Variants in ATXN10 observed in about 807,000 individuals in gnomAD.
ATXN10 encodes the protein ataxin-10.
ATXN10 carries 28 observed loss-of-function variants against 52.9 expected under a neutral mutation model. The ratio of observed to expected loss-of-function variants is 0.53; its 90% CI spans 0.39 to 0.73. ATXN10 has a LOEUF of 0.73. Ranked by LOEUF, ATXN10 falls within the 30% of genes least tolerant of loss-of-function variation. The pLI, the probability that ATXN10 is intolerant of heterozygous loss-of-function variation, is 0.00. For missense variants in ATXN10, 565 were observed against 577.0 expected (o/e 0.98, Z 0.21); for synonymous variants, 226 against 221.5 (o/e 1.02, Z -0.18).
chr22:45,812,395 G>A (rs1001395998), intron 10 of ATXN10, among the ~76,000 whole-genome samples: 17 of 152,148 alleles, frequency 1.1e-4, no homozygotes, highest in African/African-American at 3.6e-4. Flanking sequence ...AATGGGAAAA[G>A]GAATGAACAA....
intron 10 of ATXN10, among the ~76,000 whole-genome samples, chr22:45,829,805 A>G (rs1487635804): frequency 6.6e-6 from 1 of 152,178 alleles, no homozygotes; most frequent in Non-Finnish European, 1.5e-5. Context: ...GCTCAGAGCA[A>G]TTACAGATTT....
rs2239398 is a variant in ATXN10 at position 45,759,668 on chromosome 22, C to G, written c.1173+19130C>G. 0.19 allele frequency among the ~76,000 whole-genome samples: 28,672 copies of G among 152,020 alleles called. 3,528 individuals are homozygous for G. Among genetic ancestry groups the G allele is most frequent in the East Asian group, 0.51 (2,598 of 5,142 alleles). On this transcript the variant is annotated intron_variant, in intron 9 of 11. Transcript: ENST00000252934. This position sits in a 1 kb window ranked among gnomAD's most constrained non-coding sequence, Gnocchi z 5.4. ...GTCCTCCAGAGGCCAGTTTACCAAG[C>G]TGCATCAGCTCCTCCCTCCCAGCCA...
rs1368466248 is a variant in ATXN10, at chr22:45,705,420, GTTAC to G, written c.647+2576_647+2579del. Among the ~76,000 whole-genome samples, 1 of 151,648 alleles carries G rather than the reference GTTAC, an allele frequency of 6.6e-6. No individual in the cohort carries two copies. The highest frequency in any genetic ancestry group is 2.4e-5 in the African/African-American group (1 of 41,242). ...GGGTTTTGGTTACTAATTCAAACCT[GTTAC>G]TTGTTACAGGTCTTGGTTTTTTTTT... On this transcript the variant is annotated intron_variant, in intron 5 of 11. Coordinates refer to ENST00000252934, the MANE Select transcript of ATXN10 (RefSeq NM_013236.4). This position sits in a 1 kb window ranked among gnomAD's most constrained non-coding sequence, Gnocchi z 5.2.
At position 45,828,673 on chromosome 22, in the gene ATXN10, C is replaced by T. The variant is rs1464751732; in HGVS notation, c.1238-14318C>T. Among the ~76,000 whole-genome samples the T allele has an allele frequency of 6.6e-6, 1 of 152,088 alleles. No homozygotes were observed. Among genetic ancestry groups the T allele is most frequent in the Admixed American group, 6.5e-5 (1 of 15,278 alleles). On this transcript the variant is annotated intron_variant, in intron 10 of 11. Coordinates refer to ENST00000252934, the MANE Select transcript of ATXN10 (RefSeq NM_013236.4). The surrounding 1 kb of genome is among the most constrained non-coding windows in gnomAD (Gnocchi z 4.5). The stretch of plus-strand genomic sequence containing the variant: ...TGAAATGGACAAATTCCTAGAAACT[C>T]AAAACCTATTATAAAATATGGATAG...
At chr22:45,685,453 G>C (rs959746779) in intron 1 of ATXN10, among the ~76,000 whole-genome samples, 3 of 152,144 alleles carry the variant, frequency 2.0e-5, no homozygotes, top group African/African-American at 7.2e-5. Flanking sequence ...GCTTTTTAAA[G>C]TCGCTGTACA....
rs1293670513 is a variant in ATXN10, at chr22:45,763,065, T to C, written c.1173+22527T>C. ...CCTGCGCAAAGAACTGCGTGGTCCCTTTTCCTGGAGTAGGAGGCTGTGGCT... is the reference window on the plus strand; with the variant it reads ...CCTGCGCAAAGAACTGCGTGGTCCCCTTTCCTGGAGTAGGAGGCTGTGGCT... On this transcript the variant is annotated intron_variant, in intron 9 of 11. Coordinates refer to ENST00000252934, the MANE Select transcript of ATXN10 (RefSeq NM_013236.4). The surrounding 1 kb of genome is among the most constrained non-coding windows in gnomAD (Gnocchi z 6.9). 6.6e-6 allele frequency among the ~76,000 whole-genome samples: 1 copy of C among 152,186 alleles called. No individual in the cohort carries two copies. The highest frequency in any genetic ancestry group is 2.4e-5 in the African/African-American group (1 of 41,442).
intron 10 of ATXN10, among the ~76,000 whole-genome samples, chr22:45,822,674 G>A (rs909273354): frequency 6.6e-6 from 1 of 151,878 alleles, no homozygotes; most frequent in Admixed American, 6.6e-5. Context: ...GGGATTACAG[G>A]TGCCCGCCAC....
At chr22:45,745,070 T>A (rs1925675951) in intron 9 of ATXN10, among the ~76,000 whole-genome samples, 1 of 152,248 alleles carries the variant, frequency 6.6e-6, no homozygotes, top group African/African-American at 2.4e-5. Flanking sequence ...AGTTTACTTC[T>A]AAACTTTTGT....
rs1420490918 is a variant in ATXN10, at chr22:45,781,004, C to G, written c.1174-25955C>G. ...ATTAATGTTAGAGAAGCTGTCAACC[C>G]AGAAACACCAATGGGTGCAGACCAG... On this transcript the variant is annotated intron_variant, in intron 9 of 11. Transcript: ENST00000252934. The surrounding 1 kb of genome is among the most constrained non-coding windows in gnomAD (Gnocchi z 4.2). 6.6e-6 allele frequency among the ~76,000 whole-genome samples: 1 copy of G among 152,190 alleles called. No homozygotes were observed. The highest frequency in any genetic ancestry group is 1.5e-5 in the Non-Finnish European group (1 of 68,036).
intron 2 of ATXN10, among the ~76,000 whole-genome samples, chr22:45,692,707 G>A (rs1923430404): frequency 1.3e-5 from 2 of 152,104 alleles, no homozygotes; most frequent in Admixed American, 1.3e-4. Context: ...GACTGTTTTT[G>A]CCAAGAATGC....
intron 9 of ATXN10, among the ~76,000 whole-genome samples, chr22:45,798,266 TAAA>T (rs1322645785): frequency 1.3e-5 from 2 of 152,112 alleles, no homozygotes; most frequent in Admixed American, 6.5e-5. Flanking sequence ...GTCAGAAACA[TAAA>T]AACACTTTTC....
chr22:45,813,374 G>A (rs1429080588), intron 10 of ATXN10, among the ~76,000 whole-genome samples: 4 of 148,114 alleles, frequency 2.7e-5, no homozygotes, highest in Non-Finnish European at 5.9e-5. Context: ...GGGAGGGTGT[G>A]GGGACAGGGA....
rs547346739 is a variant in ATXN10 at position 45,750,983 on chromosome 22, T to G, written c.1173+10445T>G. Among the ~76,000 whole-genome samples, 65 of 152,188 alleles carry G rather than the reference T, an allele frequency of 4.3e-4. No homozygotes were observed. The stretch of plus-strand genomic sequence containing the variant: ...TCTTGCTTTGTTGCCCAGGCTGGAG[T>G]GCAGTGGTGTGATCTCAGCTCACTG... On this transcript the variant is annotated intron_variant, in intron 9 of 11. Transcript: ENST00000252934. This position sits in a 1 kb window ranked among gnomAD's most constrained non-coding sequence, Gnocchi z 4.2.
Position 45,770,730 on chromosome 22 carries a change from G to A in ATXN10, c.1173+30192G>A, listed in dbSNP as rs1173716555. Among the ~76,000 whole-genome samples, 1 of 152,244 alleles carries A rather than the reference G, an allele frequency of 6.6e-6. No homozygotes were observed. Among genetic ancestry groups the A allele is most frequent in the African/African-American group, 2.4e-5 (1 of 41,468 alleles). ...CTGGGCTCAGCCCAGGATCTGAAGAGGGCTTCTCAAAGAAAGGGGAGCTAA... is the reference window on the plus strand; with the variant it reads ...CTGGGCTCAGCCCAGGATCTGAAGAAGGCTTCTCAAAGAAAGGGGAGCTAA... On this transcript the variant is annotated intron_variant, in intron 9 of 11. Transcript: ENST00000252934. This position sits in a 1 kb window ranked among gnomAD's most constrained non-coding sequence, Gnocchi z 4.5.
intron 6 of ATXN10, among the ~76,000 whole-genome samples, chr22:45,726,997 T>A (rs1924897393): frequency 1.3e-5 from 2 of 152,020 alleles, no homozygotes; most frequent in Non-Finnish European, 2.9e-5. Flanking sequence ...GTTCTGTTTC[T>A]CTAGTTCTTT....
intron 9 of ATXN10, among the ~76,000 whole-genome samples, chr22:45,745,301 G>A (rs1303457004): frequency 6.6e-6 from 1 of 152,132 alleles, no homozygotes; most frequent in Non-Finnish European, 1.5e-5. Flanking sequence ...ATAAAGCTAA[G>A]TGCATTTTTC....
rs938527107 is a variant in ATXN10 at position 45,727,739 on chromosome 22, G to A, written c.729-1686G>A. Among the ~76,000 whole-genome samples the A allele has an allele frequency of 2.6e-5, 4 of 152,114 alleles. No individual in the cohort carries two copies. Among genetic ancestry groups the A allele is most frequent in the Non-Finnish European group, 5.9e-5 (4 of 68,016 alleles). Reference sequence around the variant, plus strand: ...TGTGGTCTGTCTTTTCTTAGGTCTAGTAACTGTTTTGTGAATCTGGGAGCT... The same window carrying A: ...TGTGGTCTGTCTTTTCTTAGGTCTAATAACTGTTTTGTGAATCTGGGAGCT... On this transcript the variant is annotated intron_variant, in intron 6 of 11. Coordinates refer to ENST00000252934, the MANE Select transcript of ATXN10 (RefSeq NM_013236.4). The surrounding 1 kb of genome is among the most constrained non-coding windows in gnomAD (Gnocchi z 4.6).
chr22:45,694,940 CA>C (rs748780048), intron 3 of ATXN10, among the ~76,000 whole-genome samples: 4,847 of 21,902 alleles, frequency 0.22, 224 homozygotes, highest in Non-Finnish European at 0.27. Flanking sequence ...GACTCTGTCT[CA>C]AAAAAAAAAA....
In ATXN10 at chr22:45,727,305, A is replaced by T. The variant is rs1207384104; in HGVS notation, c.729-2120A>T. ...TGTGGTCTGAGAAGATACTTGATAT[A>T]GTTCTGTCTGTCTGTCTATCTATCT... On this transcript the variant is annotated intron_variant, in intron 6 of 11. Coordinates refer to ENST00000252934, the MANE Select transcript of ATXN10 (RefSeq NM_013236.4). This position sits in a 1 kb window ranked among gnomAD's most constrained non-coding sequence, Gnocchi z 4.6. Among the ~76,000 whole-genome samples, 1 of 150,492 alleles carries T rather than the reference A, an allele frequency of 6.6e-6. No homozygotes were observed. The highest frequency in any genetic ancestry group is 1.5e-5 in the Non-Finnish European group (1 of 67,802).
Sources: allele counts gnomAD v4.1 joint callset (sites outside exome capture counted in the v4.1 genomes callset), GRCh38; gene constraint gnomAD v4.1.1; non-coding constraint Gnocchi (gnomAD v3.1); transcripts MANE v1.5; gene names NCBI Gene and HGNC (gene_info 2026-07-23, HGNC 2026-07-21).